ASXL3: variants seen among roughly 807,000 people sequenced by gnomAD.
The protein encoded by ASXL3 is ASXL transcriptional regulator 3, also known as putative Polycomb group protein ASXL3.
A neutral mutation model predicts 170.6 loss-of-function variants in ASXL3; 34 were observed. That is an observed-to-expected ratio of 0.20 (90% CI 0.15 to 0.27). The LOEUF is 0.27. ASXL3 is among the 10% of genes least tolerant of loss of function. The probability of loss-of-function intolerance (pLI) is 1.00; values close to 1 mark genes in which losing one functional copy is unlikely to be tolerated. For synonymous variants in ASXL3, 1,002 were observed against 989.1 expected (o/e 1.01, Z -0.24); for missense variants, 2,592 against 2,695.3 (o/e 0.96, Z 0.85).
intron 4 of ASXL3, 41 bp downstream of exon 4, chr18:33,646,394 T>G: frequency 7.1e-7 from 1 of 1,401,516 alleles, no homozygotes; most frequent in Non-Finnish European, 1.0e-6. Flanking sequence ...CTTGTTCTCT[T>G]AAAAGTTATA....
chr18:33,604,846 A>G (rs2065226632), intron 1 of ASXL3, among the ~76,000 whole-genome samples: 1 of 152,006 alleles, frequency 6.6e-6, no homozygotes, highest in South Asian at 2.1e-4. Context: ...CTCACTAGCC[A>G]ATGTGTGGCA....
At chr18:33,626,348 T>G (rs1163400844) in intron 2 of ASXL3, among the ~76,000 whole-genome samples, 1 of 152,130 alleles carries the variant, frequency 6.6e-6, no homozygotes, top group African/African-American at 2.4e-5. Context: ...CATAAGCAAG[T>G]GCAATCAGTC....
At chr18:33,727,288 AGTGGTTT>A (rs1385475251) in intron 8 of ASXL3, among the ~76,000 whole-genome samples, 8 of 152,148 alleles carry the variant, frequency 5.3e-5, no homozygotes, top group African/African-American at 1.9e-4. Flanking sequence ...ATAAGAAAAA[AGTGGTTT>A]AGAAAATAGA....
intron 1 of ASXL3, among the ~76,000 whole-genome samples, chr18:33,591,800 C>T (rs897930423): frequency 1.3e-5 from 2 of 151,992 alleles, no homozygotes; most frequent in African/African-American, 4.8e-5. Flanking sequence ...CACCACCACG[C>T]CCAGCTACTT....
At chr18:33,734,507 T>G (rs2067512244) in intron 10 of ASXL3, 92 bp downstream of exon 10, 1 of 687,814 alleles carries the variant, frequency 1.5e-6, no homozygotes, top group Non-Finnish European at 2.2e-6. Flanking sequence ...GCTGTAAAAC[T>G]TAATAAACCT....
intron 2 of ASXL3, among the ~76,000 whole-genome samples, chr18:33,644,478 G>GTTT (rs75956043): frequency 7.4e-6 from 1 of 135,122 alleles, no homozygotes; most frequent in African/African-American, 2.7e-5. Context: ...GGGTTTTTTT[G>GTTT]TTTTTTTTTT....
intron 8 of ASXL3, among the ~76,000 whole-genome samples, chr18:33,724,315 CTT>C (rs879354069): frequency 6.6e-6 from 1 of 152,030 alleles, no homozygotes; most frequent in Non-Finnish European, 1.5e-5. Flanking sequence ...GTTGTTCAAG[CTT>C]GTAGGTTAAA....
intron 2 of ASXL3, among the ~76,000 whole-genome samples, chr18:33,620,496 A>G (rs1176747846): frequency 1.3e-5 from 2 of 152,146 alleles, no homozygotes; most frequent in African/African-American, 2.4e-5. Context: ...TACAGGAAGT[A>G]CTAGTAGGAA....
At chr18:33,696,509 A>G (rs1049683294) in intron 8 of ASXL3, among the ~76,000 whole-genome samples, 2 of 152,050 alleles carry the variant, frequency 1.3e-5, no homozygotes, top group Admixed American at 6.6e-5. Context: ...TCTGCAGGAG[A>G]TAATGAAAGT....
In ASXL3 at chr18:33,745,922, C is replaced by A; in HGVS notation, c.6074C>A (p.Pro2025His). The A allele has an allele frequency of 6.4e-7, 1 of 1,553,614 alleles. No homozygotes were observed. Among genetic ancestry groups the A allele is most frequent in the Non-Finnish European group, 8.7e-7 (1 of 1,148,986 alleles). ...VHPPPPPPPP[P>H]PPPLALPPPP... The stretch of plus-strand genomic sequence containing the variant: ...CCGCCGCCGCCACCGCCTCCCCCTC[C>A]CCCTCCACCCTTGGCTTTGCCCCCG... The change falls in exon 12 of 12, where the codon CCC becomes CAC. Residue 2025 changes from proline to histidine, a missense_variant. Transcript: ENST00000269197.
chr18:33,608,251 T>A (rs1158965275), intron 2 of ASXL3, among the ~76,000 whole-genome samples: 1 of 151,988 alleles, frequency 6.6e-6, no homozygotes, highest in African/African-American at 2.4e-5. Context: ...CACCCTAAAA[T>A]GAAACCCTGT....
chr18:33,682,061 T>C (rs912646793), intron 7 of ASXL3, among the ~76,000 whole-genome samples: 2 of 152,232 alleles, frequency 1.3e-5, no homozygotes, highest in African/African-American at 4.8e-5. Flanking sequence ...CACTCTTTTG[T>C]CTTTAGTTAT....
At chr18:33,713,348 C>CCCCCCG (rs531542023) in intron 8 of ASXL3, among the ~76,000 whole-genome samples, 3 of 143,916 alleles carry the variant, frequency 2.1e-5, no homozygotes, top group Admixed American at 2.1e-4. Context: ...TCCACCCCCC[C>CCCCCCG]CCGGGTTCAA....
intron 2 of ASXL3, among the ~76,000 whole-genome samples, chr18:33,643,238 A>G (rs1189568359): frequency 6.6e-6 from 1 of 151,904 alleles, no homozygotes; most frequent in Non-Finnish European, 1.5e-5. Flanking sequence ...TCAGTATAAC[A>G]TGTATTGCAT....
chr18:33,724,598 G>A (rs1471424127), intron 8 of ASXL3, among the ~76,000 whole-genome samples: 1 of 151,996 alleles, frequency 6.6e-6, no homozygotes, highest in Non-Finnish European at 1.5e-5. Context: ...TGTTCTGTGA[G>A]AGGATTATAA....
At chr18:33,717,478 T>C (rs2067184144) in intron 8 of ASXL3, among the ~76,000 whole-genome samples, 1 of 152,168 alleles carries the variant, frequency 6.6e-6, no homozygotes, top group African/African-American at 2.4e-5. Flanking sequence ...TATAACAGCA[T>C]TGCAAGTATG....
chr18:33,732,114 G>T (rs529895456), intron 9 of ASXL3, 50 bp downstream of exon 9: 2 of 1,413,614 alleles, frequency 1.4e-6, no homozygotes, highest in Non-Finnish European at 2.0e-6. Context: ...TACACATACC[G>T]TACTGAGCTT....
intron 1 of ASXL3, among the ~76,000 whole-genome samples, chr18:33,597,223 C>G (rs538702070): frequency 1.3e-5 from 2 of 151,912 alleles, no homozygotes; most frequent in African/African-American, 2.4e-5. Context: ...CAATTATTAA[C>G]GCTAATATTT....
rs1050620484 is a variant in ASXL3, at chr18:33,578,754, C to T, written c.54+69C>T. ...CCGCCGCTCGCCCCGCGCCGGTCCG[C>T]GGCGGCGGAGACGGCCACTTCCAGC... is the stretch of plus-strand genomic sequence containing the variant. On this transcript the variant is annotated intron_variant, in intron 1 of 11. Transcript: ENST00000269197. The T allele has an allele frequency of 3.0e-5, 31 of 1,021,428 alleles. No homozygotes were observed. The Admixed American group carries it at 6.7e-4, about 22-fold the overall frequency. The allele number at this position is 1,021,428 out of a possible 1,614,324, so 63.3% of individuals were successfully genotyped here. A position where few individuals can be genotyped will look rare whatever the true frequency, so the allele number is the denominator to read the frequency against.
Sources: allele counts gnomAD v4.1 joint callset (sites outside exome capture counted in the v4.1 genomes callset), GRCh38; gene constraint gnomAD v4.1.1; transcripts MANE v1.5; gene names NCBI Gene and HGNC (gene_info 2026-07-23, HGNC 2026-07-21).